The following XPOT variants were observed in gnomAD, a reference collection of about 807,000 sequenced individuals.
XPOT encodes exportin for tRNA.
XPOT carries 34 observed loss-of-function variants against 128.2 expected under a neutral mutation model. The observed-to-expected ratio is 0.27, with a 90% confidence interval of 0.20 to 0.35. The LOEUF is 0.35. XPOT is among the 10% of genes least tolerant of loss of function. The pLI is 1.00. For missense variants in XPOT, 838 were observed against 1,125.3 expected (o/e 0.74, Z 3.65); for synonymous variants, 348 against 394.3 (o/e 0.88, Z 1.39).
chr12:64,423,378 AC>A (rs2040159505), intron 11 of XPOT, 134 bp downstream of exon 11: 2 of 590,936 alleles, frequency 3.4e-6, no homozygotes, highest in Non-Finnish European at 5.7e-6. Context: ...TTATATTGAC[AC>A]CAACCTTGGG....
Position 64,424,140 on chromosome 12 carries a change from TC to T in XPOT, c.1183-457del, listed in dbSNP as rs2040168674. Among the ~76,000 whole-genome samples the T allele has an allele frequency of 6.6e-5, 10 of 152,338 alleles. No individual in the cohort carries two copies. In the South Asian group the frequency reaches 2.1e-3, roughly 32 times the overall value. ...TGCCAGGCTCCTAAGATTGAATATC[TC>T]CAGTTATACCATATTATTACCACTT... On this transcript the variant is annotated intron_variant, in intron 11 of 24. Coordinates refer to ENST00000332707, the MANE Select transcript of XPOT (RefSeq NM_007235.6).
At chr12:64,421,605 A>G (rs2040138996) in intron 9 of XPOT, 134 bp downstream of exon 9, 1 of 618,410 alleles carries the variant, frequency 1.6e-6, no homozygotes, top group Non-Finnish European at 2.8e-6. Context: ...GTTAAATACT[A>G]ATGTATTTCC....
intron 2 of XPOT, among the ~76,000 whole-genome samples, chr12:64,411,606 C>T (rs946882329): frequency 6.6e-6 from 1 of 152,186 alleles, no homozygotes; most frequent in Non-Finnish European, 1.5e-5. Flanking sequence ...AGGCATAATT[C>T]AGTATCCATT....
intron 14 of XPOT, 125 bp downstream of exon 14, chr12:64,425,582 C>T (rs1229346555): frequency 1.6e-6 from 2 of 1,251,468 alleles, no homozygotes; most frequent in Non-Finnish European, 2.2e-6. Flanking sequence ...TTGGCACACA[C>T]TGAAAGTAAC....
intron 16 of XPOT, 77 bp downstream of exon 16, chr12:64,428,197 G>T (rs149818211): frequency 3.8e-6 from 4 of 1,040,382 alleles, no homozygotes; most frequent in Non-Finnish European, 5.6e-6. Context: ...GCCTTTGTTG[G>T]CATTTAAAAA....
intron 23 of XPOT, among the ~76,000 whole-genome samples, chr12:64,444,808 C>T (rs2040354770): frequency 6.6e-6 from 1 of 151,978 alleles, no homozygotes; most frequent in Non-Finnish European, 1.5e-5. Flanking sequence ...TTTTTAACTA[C>T]AGCTTTTTTA....
chr12:64,415,354 ATTAT>A lies in XPOT; in HGVS notation c.143+376_143+379del, dbSNP rs1344464332. Among the ~76,000 whole-genome samples, 83 of 151,364 alleles carry A rather than the reference ATTAT, an allele frequency of 5.5e-4. No homozygotes were observed. In the Middle Eastern group the frequency reaches 0.01, roughly 19 times the overall value. ...AAATGATATATATCTTAATTTTAAAATTATTTATTTATTTTATTATTATTATTAT... is the reference window on the plus strand; with the variant it reads ...AAATGATATATATCTTAATTTTAAAATTATTTATTTTATTATTATTATTAT... On this transcript the variant is annotated intron_variant, in intron 3 of 24. Coordinates refer to ENST00000332707, the MANE Select transcript of XPOT (RefSeq NM_007235.6).
intron 11 of XPOT, among the ~76,000 whole-genome samples, chr12:64,424,310 A>G (rs2040170132): frequency 6.6e-6 from 1 of 152,076 alleles, no homozygotes; most frequent in Non-Finnish European, 1.5e-5. Flanking sequence ...AGAAATACTT[A>G]TTTGTGAGCT....
At chr12:64,406,939 G>A (rs2039989390) in intron 1 of XPOT, among the ~76,000 whole-genome samples, 2 of 152,046 alleles carry the variant, frequency 1.3e-5, no homozygotes, top group Non-Finnish European at 2.9e-5. Flanking sequence ...TATAAACAAC[G>A]TATTGAGGGC....
At chr12:64,407,211 CG>C (rs2039991923) in intron 1 of XPOT, among the ~76,000 whole-genome samples, 1 of 151,726 alleles carries the variant, frequency 6.6e-6, no homozygotes, top group Admixed American at 6.6e-5. Flanking sequence ...GAGAAATGGC[CG>C]GGTGGCTCAC....
chr12:64,434,690 A>T, intron 20 of XPOT, 67 bp downstream of exon 20: 2 of 1,534,072 alleles, frequency 1.3e-6, no homozygotes, highest in Non-Finnish European at 1.8e-6. Flanking sequence ...GACATAATGG[A>T]ACATAGCCCT....
At chr12:64,439,187 T>C (rs1336921088) in intron 22 of XPOT, 57 bp from the exon 23 acceptor site, 1 of 1,521,608 alleles carries the variant, frequency 6.6e-7, no homozygotes, top group East Asian at 2.3e-5. Context: ...TTCCGATTCT[T>C]TTTAAGCTTA....
chr12:64,431,381 A>G (rs902292976), intron 17 of XPOT, among the ~76,000 whole-genome samples, 157 bp from the exon 18 acceptor site: 1 of 152,248 alleles, frequency 6.6e-6, no homozygotes, highest in Non-Finnish European at 1.5e-5. Flanking sequence ...ACAAATAGCC[A>G]TATTAGCTAA....
chr12:64,431,711 A>C lies in XPOT; in HGVS notation c.2150A>C (p.Glu717Ala). 1 of 1,614,112 alleles carries C rather than the reference A, an allele frequency of 6.2e-7. No homozygotes were observed. The part of the protein sequence containing the change: ...FLHRMIICLE[E>A]EVLPFIPSAS... Reference sequence around the variant, plus strand: ...CATCGAATGATTATTTGCCTGGAGGAAGAAGTTCTTCCGTTCATTCCATCT... The same window carrying C: ...CATCGAATGATTATTTGCCTGGAGGCAGAAGTTCTTCCGTTCATTCCATCT... The change falls in exon 18 of 25, where the codon GAA becomes GCA. Residue 717 changes from glutamate (E) to alanine (A), a missense_variant. Around this residue, in one of 3 missense-constraint regions of XPOT, gnomAD observed 761 missense variants for 988.3 expected, o/e 0.77. Coordinates refer to ENST00000332707, the MANE Select transcript of XPOT (RefSeq NM_007235.6).
chr12:64,415,115 G>A, intron 3 of XPOT, 126 bp downstream of exon 3: 1 of 629,114 alleles, frequency 1.6e-6, no homozygotes, highest in South Asian at 2.0e-5. Context: ...TTTTTGCAAA[G>A]CCATTAACAT....
At chr12:64,407,953 G>A (rs2039998623) in intron 1 of XPOT, among the ~76,000 whole-genome samples, 1 of 152,078 alleles carries the variant, frequency 6.6e-6, no homozygotes, top group Non-Finnish European at 1.5e-5. Flanking sequence ...CCTATTGTAG[G>A]TATCCTGTAA....
At chr12:64,411,076 C>T (rs2136011189) in intron 2 of XPOT, among the ~76,000 whole-genome samples, 2 of 152,282 alleles carry the variant, frequency 1.3e-5, no homozygotes, top group Middle Eastern at 6.8e-3. Context: ...GTCTCTGCTA[C>T]TAAATAAGTA....
At chr12:64,447,785 A>G (rs2040377667) in intron 24 of XPOT, among the ~76,000 whole-genome samples, 1 of 152,122 alleles carries the variant, frequency 6.6e-6, no homozygotes, top group South Asian at 2.1e-4. Flanking sequence ...TACCAGTGTT[A>G]ATTTGGAAAT....
intron 22 of XPOT, among the ~76,000 whole-genome samples, chr12:64,436,971 C>A (rs1296718937): frequency 2.0e-5 from 3 of 152,136 alleles, no homozygotes; most frequent in African/African-American, 7.2e-5. Flanking sequence ...TCTCTCAAAG[C>A]CATAGAATGC....
Sources: gnomAD v4.1 joint callset for allele counts (sites outside exome capture counted in the v4.1 genomes callset) on GRCh38, gnomAD v4.1.1 for gene constraint, gnomAD v4.1.1 regional missense constraint, MANE v1.5 for transcripts, NCBI Gene and HGNC (gene_info 2026-07-23, HGNC 2026-07-21) for gene names.